SORBS2: variants seen among roughly 807,000 people sequenced by gnomAD.
The protein encoded by SORBS2 is sorbin and SH3 domain-containing protein 2.
Under a neutral mutation model 97.7 loss-of-function variants are expected in SORBS2, and 46 were observed. That is an observed-to-expected ratio of 0.47 (90% CI 0.37 to 0.60). The LOEUF (loss-of-function observed/expected upper bound fraction) is 0.60. Among genes scored for constraint, SORBS2 ranks in the 20% least tolerant of loss-of-function variants. The pLI is 0.00. For synonymous variants in SORBS2, 476 were observed against 473.4 expected (o/e 1.01, Z -0.07); for missense variants, 1,316 against 1,282.3 (o/e 1.03, Z -0.40).
At chr4:185,953,598 G>A (rs1397596657) in intron 1 of SORBS2, among the ~76,000 whole-genome samples, 1 of 152,206 alleles carries the variant, frequency 6.6e-6, no homozygotes, top group Non-Finnish European at 1.5e-5. Context: ...AAGTCTAGAT[G>A]TCAGCTGAAA....
intron 2 of SORBS2, among the ~76,000 whole-genome samples, chr4:185,712,863 C>T (rs1202771898): frequency 3.3e-5 from 5 of 152,172 alleles, no homozygotes; most frequent in Non-Finnish European, 4.4e-5. Flanking sequence ...TATCCTGCAT[C>T]GCTACTGTCT....
intron 2 of SORBS2, among the ~76,000 whole-genome samples, chr4:185,746,861 T>A (rs1041744802): frequency 2.0e-5 from 3 of 152,226 alleles, no homozygotes; most frequent in Admixed American, 2.0e-4. Context: ...TGTGCCCTCT[T>A]AAATTCATGT....
chr4:185,834,431 G>A (rs181798027), intron 1 of SORBS2, among the ~76,000 whole-genome samples: 15 of 152,090 alleles, frequency 9.9e-5, no homozygotes, highest in South Asian at 8.3e-4. Context: ...GCATGTACAC[G>A]TTTCTATCAT....
intron 3 of SORBS2, 79 bp from the exon 7 acceptor site, chr4:185,678,626 C>G (rs1366874856): frequency 7.1e-7 from 1 of 1,404,870 alleles, no homozygotes; most frequent in Non-Finnish European, 9.5e-7. Flanking sequence ...ATTTTTATTT[C>G]CAAAATCATT....
chr4:185,806,129 T>C (rs944028582), intron 1 of SORBS2, among the ~76,000 whole-genome samples: 1 of 152,260 alleles, frequency 6.6e-6, no homozygotes, highest in Non-Finnish European at 1.5e-5. Flanking sequence ...GGATTCTCCA[T>C]GCAGCCGAAG....
At chr4:185,835,301 A>G (rs965518210) in intron 1 of SORBS2, among the ~76,000 whole-genome samples, 1 of 152,252 alleles carries the variant, frequency 6.6e-6, no homozygotes, top group African/African-American at 2.4e-5. Flanking sequence ...ACAATTTTTA[A>G]TCATTTTATG....
intron 1 of SORBS2, among the ~76,000 whole-genome samples, chr4:185,912,672 A>G (rs894670320): frequency 6.6e-6 from 1 of 151,890 alleles, no homozygotes; most frequent in African/African-American, 2.4e-5. Flanking sequence ...AGAAGCTGTC[A>G]CTAAACAAAA....
intron 2 of SORBS2, among the ~76,000 whole-genome samples, chr4:185,735,267 G>A (rs1243389623): frequency 2.0e-5 from 3 of 152,006 alleles, no homozygotes; most frequent in Non-Finnish European, 2.9e-5. Flanking sequence ...CTGATTTCAC[G>A]GTGAAAAGCA....
intron 1 of SORBS2, among the ~76,000 whole-genome samples, chr4:185,863,270 G>A (rs2099224926): frequency 6.6e-6 from 1 of 151,388 alleles, no homozygotes; most frequent in Non-Finnish European, 1.5e-5. Flanking sequence ...GTGCCTGTGT[G>A]TGCCAGGCAA....
At chr4:185,770,258 G>A (rs755789144) in intron 2 of SORBS2, among the ~76,000 whole-genome samples, 11 of 152,064 alleles carry the variant, frequency 7.2e-5, no homozygotes, top group Non-Finnish European at 1.3e-4. Context: ...CATTAACAGC[G>A]ATTTTTGTCT....
chr4:185,721,084 C>CTTTTTTTTTTTTTTTTT (rs1160319469), intron 2 of SORBS2, among the ~76,000 whole-genome samples: 1 of 92,194 alleles, frequency 1.1e-5, no homozygotes, highest in Non-Finnish European at 2.0e-5. Context: ...CCCACCTATT[C>CTTTTTTTTTTTTTTTTT]TTTTTTTTTT....
upstream of SORBS2, among the ~76,000 whole-genome samples, chr4:185,661,867 C>T (rs2097527893): frequency 6.6e-6 from 1 of 152,150 alleles, no homozygotes; most frequent in South Asian, 2.1e-4. Context: ...CTTTCTACTC[C>T]ACCACCTCAG....
intron 2 of SORBS2, among the ~76,000 whole-genome samples, chr4:185,731,599 CCTAT>C (rs1264404067): frequency 9.2e-6 from 1 of 108,318 alleles, no homozygotes; most frequent in Non-Finnish European, 1.8e-5. Context: ...TCCCTCCCTG[CCTAT>C]CTCTCTCTCT....
At chr4:185,947,388 G>A (rs926326334) in intron 1 of SORBS2, among the ~76,000 whole-genome samples, 9 of 152,142 alleles carry the variant, frequency 5.9e-5, no homozygotes, top group African/African-American at 1.9e-4. Flanking sequence ...GAGGTGATGT[G>A]AGGTCTTTTC....
chr4:185,717,937 T>C (rs1267538289), intron 2 of SORBS2, among the ~76,000 whole-genome samples: 2 of 152,154 alleles, frequency 1.3e-5, no homozygotes, highest in Non-Finnish European at 2.9e-5. Context: ...ACCGTGAGAA[T>C]GGAATGAAAT....
chr4:185,618,298 T>C (rs182818750), intron 9 of SORBS2, among the ~76,000 whole-genome samples: 35 of 152,376 alleles, frequency 2.3e-4, no homozygotes, highest in African/African-American at 8.2e-4. Flanking sequence ...TAATTCATTA[T>C]TGACACAAAA....
At chr4:185,619,978 T>G in intron 8 of SORBS2, 85 bp downstream of exon 20, 1 of 840,016 alleles carries the variant, frequency 1.2e-6, no homozygotes, top group Admixed American at 1.7e-5. Context: ...TCCGAGTTCG[T>G]TACTGGTTTG....
At chr4:185,794,092 A>T (rs932922233) in intron 1 of SORBS2, among the ~76,000 whole-genome samples, 11 of 152,264 alleles carry the variant, frequency 7.2e-5, no homozygotes, top group Admixed American at 1.3e-4. Flanking sequence ...AAAAAAAAAT[A>T]CTGTTATTTA....
intron 4 of SORBS2, chr4:185,638,899 G>C: frequency 6.7e-7 from 1 of 1,485,054 alleles, no homozygotes; most frequent in Admixed American, 2.8e-5. Context: ...CAGAGCCGGG[G>C]CGCGCGAGCT....
Sources: allele counts gnomAD v4.1 joint callset (sites outside exome capture counted in the v4.1 genomes callset), GRCh38; gene constraint gnomAD v4.1.1; transcripts MANE v1.5; gene names NCBI Gene and HGNC (gene_info 2026-07-23, HGNC 2026-07-21).